Variants in CEP63 observed in about 807,000 individuals in gnomAD.
CEP63 encodes centrosomal protein of 63 kDa.
In CEP63, 84 loss-of-function variants were observed where a neutral mutation model predicts 89.1. The ratio of observed to expected loss-of-function variants is 0.94; its 90% CI spans 0.79 to 1.13. The LOEUF is 1.13. Among genes scored for constraint, CEP63 ranks in the 50% most tolerant of loss-of-function variants. CEP63 has a pLI of 0.00. For synonymous variants in CEP63, 267 were observed against 272.5 expected, an observed-to-expected ratio of 0.98 and a Z score of 0.20; for missense variants, 838 against 813.3, an observed-to-expected ratio of 1.03 and a Z score of -0.37.
At chr3:134,715,978 C>CTTT in the CEP63 span, among the ~76,000 whole-genome samples, 5 of 149,354 alleles carry the variant, frequency 3.3e-5, no homozygotes, top group South Asian at 2.1e-4. Flanking sequence ...CTTTCAAAGA[C>CTTT]TTTTTTTTTT....
At chr3:134,643,674 T>C in the CEP63 span, among the ~76,000 whole-genome samples, 2 of 152,186 alleles carry the variant, frequency 1.3e-5, no homozygotes, top group Non-Finnish European at 2.9e-5. Context: ...TTTGTAGCCA[T>C]AACTCCCAAC....
At chr3:134,559,463 G>T (rs1560050646) in intron 14 of CEP63, 34 bp downstream of exon 14, 2 of 1,580,024 alleles carry the variant, frequency 1.3e-6, no homozygotes. Flanking sequence ...TAATTTGTTA[G>T]TTTTTTAAGT....
At chr3:134,512,574 T>A (rs938130114) in intron 3 of CEP63, among the ~76,000 whole-genome samples, 1 of 152,174 alleles carries the variant, frequency 6.6e-6, no homozygotes, top group African/African-American at 2.4e-5. Flanking sequence ...AAAATAGTAA[T>A]CTTCCCCACC....
the CEP63 span, among the ~76,000 whole-genome samples, chr3:134,718,099 T>C: frequency 6.6e-6 from 1 of 152,180 alleles, no homozygotes; most frequent in East Asian, 1.9e-4. Context: ...GTCTGTTAAA[T>C]CCAAGTCTGG....
chr3:134,697,412 G>A, the CEP63 span, among the ~76,000 whole-genome samples: 2 of 152,132 alleles, frequency 1.3e-5, no homozygotes, highest in South Asian at 2.1e-4. Context: ...CAGACCCTCT[G>A]GCATTTAGTT....
the CEP63 span, among the ~76,000 whole-genome samples, chr3:134,737,343 TA>T: frequency 6.6e-6 from 1 of 152,118 alleles, no homozygotes; most frequent in African/African-American, 2.4e-5. Flanking sequence ...CAAAAGATCC[TA>T]CAAAGGTGAA....
the CEP63 span, chr3:134,610,577 T>C: frequency 5.2e-6 from 3 of 575,306 alleles, no homozygotes; most frequent in Middle Eastern, 4.7e-4. Flanking sequence ...GGAGATACAG[T>C]GCTGGCTGGT....
chr3:134,596,554 C>G, the CEP63 span, among the ~76,000 whole-genome samples: 36 of 152,186 alleles, frequency 2.4e-4, no homozygotes, highest in Admixed American at 1.1e-3. Context: ...GGCAAAAACA[C>G]AAGGGCTAGA....
chr3:134,547,272 G>A lies in CEP63; in HGVS notation c.930-63G>A. ...AAAAATGATGGGGAAACACAGACTA[G>A]ATGAGCATTATTTTTGTTTGCAGAG... On this transcript the variant is annotated intron_variant, in intron 8 of 14. Coordinates refer to ENST00000675561, the MANE Select transcript of CEP63 (RefSeq NM_001353108.3). 5 of 1,484,354 alleles carry A rather than the reference G, an allele frequency of 3.4e-6. No homozygotes were observed. In the South Asian group the frequency reaches 5.7e-5, roughly 17 times the overall value. 91.9% of individuals were successfully genotyped at this position (1,484,354 alleles called of 1,614,324 possible). A position where few individuals can be genotyped will look rare whatever the true frequency, so the allele number is the denominator to read the frequency against.
the CEP63 span, among the ~76,000 whole-genome samples, chr3:134,715,683 A>G: frequency 6.6e-6 from 1 of 152,082 alleles, no homozygotes; most frequent in Non-Finnish European, 1.5e-5. Flanking sequence ...TTTGGCCCCA[A>G]AGGGGTCCTG....
downstream of CEP63, among the ~76,000 whole-genome samples, chr3:134,568,711 ATTAACCCATTGT>A (rs897509511): frequency 1.0e-4 from 16 of 152,390 alleles, no homozygotes; most frequent in Admixed American, 8.5e-4. Context: ...AAGGTTTAAC[ATTAACCCATTGT>A]TTAACAACAC....
chr3:134,607,203 AT>A, the CEP63 span: 1 of 985,368 alleles, frequency 1.0e-6, no homozygotes, highest in African/African-American at 1.7e-5. Flanking sequence ...CAGGAAATGG[AT>A]TCTCAAATTG....
In CEP63 at chr3:134,538,086, T is replaced by G. The variant is rs549060788; in HGVS notation, c.555+818T>G. On this transcript the variant is annotated intron_variant, in intron 6 of 14. Transcript: ENST00000675561. ...ATGTGCTAGACATTGACCCAGTGCTTCTTGTATGTGTTCTCTGTTTAATAT... is the reference window on the plus strand; with the variant it reads ...ATGTGCTAGACATTGACCCAGTGCTGCTTGTATGTGTTCTCTGTTTAATAT... Among the ~76,000 whole-genome samples, 9 of 152,218 alleles carry G rather than the reference T, an allele frequency of 5.9e-5. No individual in the cohort carries two copies. In the South Asian group the frequency reaches 6.2e-4, roughly 11 times the overall value.
At chr3:134,492,757 T>C (rs1938187262) in intron 1 of CEP63, among the ~76,000 whole-genome samples, 1 of 152,188 alleles carries the variant, frequency 6.6e-6, no homozygotes, top group Non-Finnish European at 1.5e-5. Flanking sequence ...AAAGATAGGC[T>C]GATATATTTT....
rs540907706 is a variant in CEP63 at position 134,527,820 on chromosome 3, G to A, written c.223-4025G>A. 5.3e-5 allele frequency among the ~76,000 whole-genome samples: 8 copies of A among 152,292 alleles called. No homozygotes were observed. The South Asian group carries it at 1.7e-3, about 32-fold the overall frequency. On this transcript the variant is annotated intron_variant, in intron 3 of 14. Coordinates refer to ENST00000675561, the MANE Select transcript of CEP63 (RefSeq NM_001353108.3). ...CCCTGGGAGAGGCCAGCAGGCCAAG[G>A]GGTGGTCAGATGAGACCGGCCCCAT...
At position 134,547,474 on chromosome 3, in the gene CEP63, T is replaced by C. The variant is rs1185168725; in HGVS notation, c.1067+2T>C. On this transcript the variant is annotated splice_donor_variant, in intron 9 of 14. Coordinates refer to ENST00000675561, the MANE Select transcript of CEP63 (RefSeq NM_001353108.3). LOFTEE classifies it high-confidence loss of function. The stretch of plus-strand genomic sequence containing the variant: ...AGAGGTGACTTGTCTTGAAGGCAGG[T>C]ACATAATTATACACACATTTCAAAA... 9 of 1,612,798 alleles carry C rather than the reference T, an allele frequency of 5.6e-6. No individual in the cohort carries two copies. The East Asian group carries it at 6.7e-5, about 12-fold the overall frequency.
At chr3:134,556,538 A>G (rs554994955) in intron 12 of CEP63, among the ~76,000 whole-genome samples, 3 of 152,258 alleles carry the variant, frequency 2.0e-5, no homozygotes, top group African/African-American at 7.2e-5. Flanking sequence ...GGAGAACTCT[A>G]AGAACTAAAC....
chr3:134,766,587 T>C, the CEP63 span, among the ~76,000 whole-genome samples: 1 of 152,192 alleles, frequency 6.6e-6, no homozygotes, highest in Admixed American at 6.5e-5. Context: ...CACTTTCTCC[T>C]AGTGGAGGGC....
the CEP63 span, among the ~76,000 whole-genome samples, chr3:134,714,494 G>A: frequency 3.3e-5 from 5 of 152,176 alleles, no homozygotes; most frequent in South Asian, 4.1e-4. Context: ...CACAGGCCCC[G>A]GCCCCACCTC....
Sources: gnomAD v4.1 joint callset for allele counts (sites outside exome capture counted in the v4.1 genomes callset) on GRCh38, gnomAD v4.1.1 for gene constraint, MANE v1.5 for transcripts, NCBI Gene and HGNC (gene_info 2026-07-23, HGNC 2026-07-21) for gene names.